MALRD1: variants seen among roughly 807,000 people sequenced by gnomAD.
MALRD1 encodes MAM and LDL-receptor class A domain-containing protein 1.
Under a neutral mutation model 242.1 loss-of-function variants are expected in MALRD1, and 247 were observed. The ratio of observed to expected loss-of-function variants is 1.02; its 90% confidence interval spans 0.92 to 1.13. The LOEUF (loss-of-function observed/expected upper bound fraction) is 1.13, where lower values mean the gene tolerates loss of function less well. Among genes scored for constraint, MALRD1 ranks in the 50% most tolerant of loss-of-function variants. The pLI, the probability that MALRD1 is intolerant of heterozygous loss-of-function variation, is 0.00. For synonymous variants in MALRD1, 995 were observed against 866.6 expected, an observed-to-expected ratio of 1.15 and a Z score of -2.60; for missense variants, 2,989 against 2,533.1, an observed-to-expected ratio of 1.18 and a Z score of -3.86.
intron 1 of MALRD1, among the ~76,000 whole-genome samples, chr10:19,065,287 C>CAAAAAAAAAAAAAAAAAAAAAA (rs1197670439): frequency 9.9e-5 from 5 of 50,620 alleles, no homozygotes; most frequent in African/African-American, 3.5e-4. Context: ...AACGCTGTCT[C>CAAAAAAAAAAAAAAAAAAAAAA]AAAAAAAAAA....
At chr10:19,692,132 G>A (rs992015980) in intron 36 of MALRD1, 150 bp from the exon 37 acceptor site, 26 of 559,028 alleles carry the variant, frequency 4.7e-5, no homozygotes, top group African/African-American at 4.6e-4. Flanking sequence ...GTTTTGCTTT[G>A]GCTTAAAGTT....
chr10:19,591,660 G>A (rs892263969), intron 33 of MALRD1, among the ~76,000 whole-genome samples: 3 of 152,074 alleles, frequency 2.0e-5, no homozygotes, highest in African/African-American at 4.8e-5. Context: ...CACCACGCAG[G>A]CTAATTTTTG....
At chr10:19,474,696 AT>A (rs1705299918) in intron 29 of MALRD1, among the ~76,000 whole-genome samples, 1 of 152,098 alleles carries the variant, frequency 6.6e-6, no homozygotes, top group South Asian at 2.1e-4. Context: ...TCAAAGAAGC[AT>A]TTTGTTCTTA....
chr10:19,250,086 A>T (rs532408822), intron 18 of MALRD1, among the ~76,000 whole-genome samples: 12 of 150,790 alleles, frequency 8.0e-5, no homozygotes, highest in African/African-American at 2.9e-4. Flanking sequence ...AGATAAAATT[A>T]GTCTGATGGG....
At position 19,216,113 on chromosome 10, in the gene MALRD1, TTCTTTC is replaced by T. The variant is rs1362845829; in HGVS notation, c.2991+6435_2991+6440del. ...TTTTTCTACTTCTTTCTTTCTTTCT[TTCTTTC>T]TTTTTTTTTTTTTTTTGAGACAGCG... On this transcript the variant is annotated intron_variant, in intron 18 of 39. Transcript: ENST00000454679. Among the ~76,000 whole-genome samples the T allele has an allele frequency of 1.2e-3, 144 of 119,464 alleles. 1 individual carries two copies. Among genetic ancestry groups the T allele is most frequent in the Admixed American group, 0.01 (108 of 10,372 alleles). 78.4% of individuals were successfully genotyped at this position (119,464 alleles called of 152,430 possible). A position where few individuals can be genotyped will look rare whatever the true frequency, so the allele number is the denominator to read the frequency against.
At chr10:19,475,409 C>T (rs939040186) in intron 29 of MALRD1, among the ~76,000 whole-genome samples, 22 of 151,970 alleles carry the variant, frequency 1.4e-4, no homozygotes, top group Non-Finnish European at 1.2e-4. Flanking sequence ...AGTAAGACTC[C>T]GTCTCAAAAA....
intron 19 of MALRD1, among the ~76,000 whole-genome samples, chr10:19,261,288 A>T (rs911747799): frequency 6.6e-6 from 1 of 152,126 alleles, no homozygotes; most frequent in South Asian, 2.1e-4. Flanking sequence ...AATAAAAAAA[A>T]CTTGAAAAAC....
chr10:19,389,913 C>A (rs7911278), intron 28 of MALRD1, among the ~76,000 whole-genome samples: 132,751 of 152,118 alleles, frequency 0.87, 58,166 homozygotes, highest in African/African-American at 0.92. Context: ...CCTCCCACTT[C>A]AACCTCTCAA....
At chr10:19,171,388 T>C (rs1257603331) in intron 13 of MALRD1, among the ~76,000 whole-genome samples, 1 of 147,472 alleles carries the variant, frequency 6.8e-6, no homozygotes, top group Non-Finnish European at 1.5e-5. Context: ...CTGACTGTAG[T>C]TCCGAAAGGG....
Position 19,204,400 on chromosome 10 carries a change from A to G in MALRD1, c.2197A>G (p.Ile733Val), listed in dbSNP as rs1836698363. Residue 733 changes from isoleucine (I) to valine (V), a missense_variant, in exon 16 of 40, where the codon ATA becomes GTA. By Grantham distance (29) the Ile-to-Val change is conservative (BLOSUM62 3). Transcript: ENST00000454679. The stretch of plus-strand genomic sequence containing the variant: ...TTTCAGCCAGACAGGACCTGGATGC[A>G]TACTTTCCTTCTGGTAAATATTAAA... ...PTFSQTGPGC[I>V]LSFWFYNYGL... 3 of 1,544,624 alleles carry G rather than the reference A, an allele frequency of 1.9e-6. No individual in the cohort carries two copies. Among genetic ancestry groups the G allele is most frequent in the Non-Finnish European group, 2.6e-6 (3 of 1,144,210 alleles).
chr10:19,129,971 C>T (rs1833031873), intron 8 of MALRD1, among the ~76,000 whole-genome samples: 1 of 150,762 alleles, frequency 6.6e-6, no homozygotes, highest in South Asian at 2.1e-4. Flanking sequence ...CCCACACATC[C>T]ATATACACAC....
At chr10:19,584,531 G>A (rs1178227206) in intron 33 of MALRD1, among the ~76,000 whole-genome samples, 19 of 152,080 alleles carry the variant, frequency 1.2e-4, no homozygotes, top group Admixed American at 7.9e-4. Flanking sequence ...GTAGTTGAGC[G>A]GTTTTGAGTG....
intron 5 of MALRD1, among the ~76,000 whole-genome samples, chr10:19,105,633 C>T (rs912546746): frequency 5.3e-5 from 8 of 152,086 alleles, no homozygotes; most frequent in African/African-American, 1.9e-4. Flanking sequence ...GTGTACTAAT[C>T]TACATTTCTA....
chr10:19,682,397 C>G (rs1203435685), intron 36 of MALRD1, among the ~76,000 whole-genome samples: 1 of 152,120 alleles, frequency 6.6e-6, no homozygotes, highest in Non-Finnish European at 1.5e-5. Flanking sequence ...AGCAAAAGAC[C>G]TGTTAGAATT....
chr10:19,691,273 G>C (rs186054671), intron 36 of MALRD1, among the ~76,000 whole-genome samples: 79 of 152,100 alleles, frequency 5.2e-4, no homozygotes, highest in African/African-American at 1.6e-3. Flanking sequence ...AGAAAGAAAG[G>C]CATTCTGATA....
chr10:19,308,116 A>C (rs1008407499), intron 21 of MALRD1, among the ~76,000 whole-genome samples: 1 of 151,512 alleles, frequency 6.6e-6, no homozygotes, highest in African/African-American at 2.4e-5. Flanking sequence ...GTCAAGTAGT[A>C]GGTATTATTG....
intron 26 of MALRD1, among the ~76,000 whole-genome samples, chr10:19,377,146 C>G (rs1845645492): frequency 6.6e-6 from 1 of 152,060 alleles, no homozygotes; most frequent in Non-Finnish European, 1.5e-5. Flanking sequence ...GGGCTCAAAA[C>G]TGATGTTCAA....
intron 21 of MALRD1, among the ~76,000 whole-genome samples, chr10:19,311,136 T>C (rs1842408032): frequency 6.6e-6 from 1 of 151,476 alleles, no homozygotes; most frequent in Non-Finnish European, 1.5e-5. Flanking sequence ...ATAACATCTT[T>C]CAGATAAAAT....
intron 34 of MALRD1, among the ~76,000 whole-genome samples, chr10:19,598,821 A>C (rs973946766): frequency 6.6e-6 from 1 of 152,142 alleles, no homozygotes; most frequent in East Asian, 1.9e-4. Flanking sequence ...GACTGTTTAG[A>C]AAAAGCAGAC....
Sources: gnomAD v4.1 joint callset for allele counts (sites outside exome capture counted in the v4.1 genomes callset) on GRCh38, gnomAD v4.1.1 for gene constraint, MANE v1.5 for transcripts, NCBI Gene and HGNC (gene_info 2026-07-23, HGNC 2026-07-21) for gene names.